The following PDZD2 variants were observed in gnomAD, a reference collection of about 807,000 sequenced individuals.
PDZD2 encodes PDZ domain containing 2, also known as PDZ domain-containing protein 2.
A neutral mutation model predicts 220.7 loss-of-function variants in PDZD2; 90 were observed. The ratio of observed to expected loss-of-function variants is 0.41; its 90% CI spans 0.34 to 0.49. The LOEUF is 0.49. Ranked by LOEUF, PDZD2 falls within the 20% of genes least tolerant of loss-of-function variation. The pLI, the probability that PDZD2 is intolerant of heterozygous loss-of-function variation, is 0.28. For synonymous variants in PDZD2, 1,375 were observed against 1,450.5 expected, an observed-to-expected ratio of 0.95 and a Z score of 1.18; for missense variants, 3,174 against 3,608.5, an observed-to-expected ratio of 0.88 and a Z score of 3.08.
chr5:31,766,794 A>G (rs1457896765), intron 1 of PDZD2, among the ~76,000 whole-genome samples: 1 of 150,806 alleles, frequency 6.6e-6, no homozygotes, highest in Non-Finnish European at 1.5e-5. Context: ...GCAATGGCGC[A>G]TCTCAGCTCA....
chr5:32,056,407 A>G (rs1359032164), intron 10 of PDZD2, among the ~76,000 whole-genome samples: 5 of 152,146 alleles, frequency 3.3e-5, no homozygotes, highest in Non-Finnish European at 7.3e-5. Context: ...ACTTTCTTAT[A>G]GGCGTACAGA....
At chr5:31,762,412 C>T (rs373665562) in intron 1 of PDZD2, among the ~76,000 whole-genome samples, 4 of 152,212 alleles carry the variant, frequency 2.6e-5, no homozygotes, top group South Asian at 4.1e-4. Context: ...CTCAGCCTCC[C>T]AAGTAGCTGG....
intron 7 of PDZD2, among the ~76,000 whole-genome samples, chr5:32,043,330 G>A (rs1011338378): frequency 8.5e-5 from 13 of 152,234 alleles, no homozygotes; most frequent in Non-Finnish European, 1.6e-4. Flanking sequence ...ACAAGGAAAC[G>A]TAGCATGGAG....
intron 1 of PDZD2, among the ~76,000 whole-genome samples, chr5:31,700,153 T>C (rs192485347): frequency 4.0e-5 from 6 of 151,856 alleles, no homozygotes; most frequent in Admixed American, 6.6e-5. Flanking sequence ...GGACACGAGA[T>C]GTGAGAGAGA....
chr5:31,990,742 G>T (rs1349635323), intron 3 of PDZD2, among the ~76,000 whole-genome samples: 1 of 152,166 alleles, frequency 6.6e-6, no homozygotes, highest in African/African-American at 2.4e-5. Flanking sequence ...GACAGACAAG[G>T]TTCTTATCTC....
intron 1 of PDZD2, among the ~76,000 whole-genome samples, chr5:31,708,480 TC>T (rs1286278881): frequency 1.3e-5 from 2 of 152,230 alleles, no homozygotes; most frequent in African/African-American, 4.8e-5. Flanking sequence ...CAAAGCTCTT[TC>T]TTTCTTTTTT....
At chr5:31,857,932 T>G (rs560640728) in intron 2 of PDZD2, among the ~76,000 whole-genome samples, 74 of 152,306 alleles carry the variant, frequency 4.9e-4, no homozygotes, top group African/African-American at 1.6e-3. Context: ...GTTCAAGTGA[T>G]TCTCCTGCCT....
At position 31,964,863 on chromosome 5, in the gene PDZD2, C is replaced by G. The variant is rs1248329028; in HGVS notation, c.477-18292C>G. Reference sequence around the variant, plus strand: ...CCCGAGGAGCTGGGACTACAGGCACCCGCCACCACGCCCGGCTAATTTTTT... The same window carrying G: ...CCCGAGGAGCTGGGACTACAGGCACGCGCCACCACGCCCGGCTAATTTTTT... On this transcript the variant is annotated intron_variant, in intron 2 of 24. Transcript: ENST00000438447. Among the ~76,000 whole-genome samples the G allele has an allele frequency of 2.0e-5, 3 of 152,116 alleles. No individual in the cohort carries two copies. In the East Asian group the frequency reaches 5.8e-4, roughly 29 times the overall value.
At chr5:31,879,094 G>A (rs562725045) in intron 2 of PDZD2, among the ~76,000 whole-genome samples, 1 of 151,838 alleles carries the variant, frequency 6.6e-6, no homozygotes, top group African/African-American at 2.4e-5. Context: ...TGTTAAGAAT[G>A]GACGTTTCTC....
At chr5:31,718,529 A>C (rs1748591355) in intron 1 of PDZD2, among the ~76,000 whole-genome samples, 1 of 152,088 alleles carries the variant, frequency 6.6e-6, no homozygotes, top group South Asian at 2.1e-4. Context: ...AGGTGTTGGC[A>C]GGTTTGGTTT....
chr5:31,680,643 A>G (rs765209009), intron 1 of PDZD2, among the ~76,000 whole-genome samples: 9 of 152,174 alleles, frequency 5.9e-5, no homozygotes, highest in Non-Finnish European at 1.0e-4. Context: ...TGGTGAACAC[A>G]TTTCAGGCAG....
Position 31,779,373 on chromosome 5 carries a change from C to CTTTT in PDZD2, c.-360-19499_-360-19496dup, listed in dbSNP as rs58290929. The stretch of plus-strand genomic sequence containing the variant: ...CTGTCCCTAGGAAAATTGTGAATCT[C>CTTTT]TTTTTTTTTTTTTTTTTTTTGAGAT... On this transcript the variant is annotated intron_variant, in intron 1 of 24. Transcript: ENST00000438447. Among the ~76,000 whole-genome samples the CTTTT allele has an allele frequency of 2.8e-3, 294 of 106,632 alleles. 3 individuals carry two copies. Among genetic ancestry groups the CTTTT allele is most frequent in the Non-Finnish European group, 4.3e-3 (230 of 53,962 alleles). The allele number at this position is 106,632 out of a possible 152,430, so 70.0% of individuals were successfully genotyped here. A position where few individuals can be genotyped will look rare whatever the true frequency, so the allele number is the denominator to read the frequency against.
chr5:32,035,180 G>A (rs1224858551), intron 6 of PDZD2, among the ~76,000 whole-genome samples: 1 of 152,018 alleles, frequency 6.6e-6, no homozygotes, highest in East Asian at 1.9e-4. Flanking sequence ...TACAGAATTT[G>A]TATATAAACA....
chr5:31,980,941 G>A (rs1332497933), intron 2 of PDZD2, among the ~76,000 whole-genome samples: 1 of 152,128 alleles, frequency 6.6e-6, no homozygotes, highest in Non-Finnish European at 1.5e-5. Flanking sequence ...GCACCACCAT[G>A]CCTGTGGTTA....
chr5:31,836,520 G>A lies in PDZD2; in HGVS notation c.476+36796G>A, dbSNP rs78326043. Among the ~76,000 whole-genome samples the A allele has an allele frequency of 5.8e-3, 881 of 152,058 alleles. 11 individuals carry two copies. Among genetic ancestry groups the A allele is most frequent in the African/African-American group, 0.02 (821 of 41,484 alleles). On this transcript the variant is annotated intron_variant, in intron 2 of 24. Coordinates refer to ENST00000438447, the MANE Select transcript of PDZD2 (RefSeq NM_178140.4). Reference sequence around the variant, plus strand: ...TAGGATTATAGGTGTGAGCCACTGCGCCTTGCCAATTTTATTGTTTTTGAG... The same window carrying A: ...TAGGATTATAGGTGTGAGCCACTGCACCTTGCCAATTTTATTGTTTTTGAG...
At position 32,010,401 on chromosome 5, in the gene PDZD2, T is replaced by C. The variant is rs1265424749; in HGVS notation, c.1326T>C (p.Asp442=). 4 of 1,611,040 alleles carry C rather than the reference T, an allele frequency of 2.5e-6. No individual in the cohort carries two copies. The highest frequency in any genetic ancestry group is 3.4e-6 in the Non-Finnish European group (4 of 1,177,346). Residue 442 remains aspartate, a synonymous_variant, in exon 6 of 25, where the codon GAT becomes GAC. Coordinates refer to ENST00000438447, the MANE Select transcript of PDZD2 (RefSeq NM_178140.4). ...CAGATCTGACCAGCTCGGTAGAAGA[T>C]GTGTCCTCCTGGACTGATAACGAAG... ...SLPDLTSSVE[D]VSSWTDNEDQ...
intron 1 of PDZD2, among the ~76,000 whole-genome samples, chr5:31,727,626 G>C (rs1236255918): frequency 6.6e-6 from 1 of 151,136 alleles, no homozygotes; most frequent in African/African-American, 2.4e-5. Flanking sequence ...TTTGAGCCCG[G>C]GAGGCAGAGG....
At chr5:31,802,706 G>T (rs1481197457) in intron 2 of PDZD2, among the ~76,000 whole-genome samples, 1 of 152,052 alleles carries the variant, frequency 6.6e-6, no homozygotes, top group Non-Finnish European at 1.5e-5. Flanking sequence ...AGATCACAAG[G>T]TCAGGAGATC....
intron 1 of PDZD2, among the ~76,000 whole-genome samples, chr5:31,676,367 C>T (rs1185286817): frequency 1.3e-5 from 2 of 152,030 alleles, no homozygotes; most frequent in Admixed American, 6.6e-5. Flanking sequence ...ACACATACAC[C>T]GAAGGCCTCA....
Sources: allele counts gnomAD v4.1 joint callset (sites outside exome capture counted in the v4.1 genomes callset), GRCh38; gene constraint gnomAD v4.1.1; transcripts MANE v1.5; gene names NCBI Gene and HGNC (gene_info 2026-07-23, HGNC 2026-07-21).